Variants in SGCZ observed in about 807,000 individuals in gnomAD.
The protein encoded by SGCZ is sarcoglycan zeta.
In SGCZ, 40 loss-of-function variants were observed where a neutral mutation model predicts 41.3. The observed-to-expected ratio is 0.97, with a 90% CI of 0.75 to 1.26. The LOEUF (loss-of-function observed/expected upper bound fraction) is 1.26. SGCZ is among the 50% of genes most tolerant of loss of function. The pLI is 0.00. For missense variants in SGCZ, 552 were observed against 369.8 expected (o/e 1.49, Z -4.04); for synonymous variants, 206 against 137.5 (o/e 1.50, Z -3.49).
At chr8:14,426,684 G>C (rs939327357) in intron 2 of SGCZ, among the ~76,000 whole-genome samples, 6 of 152,092 alleles carry the variant, frequency 3.9e-5, no homozygotes, top group Non-Finnish European at 4.4e-5. Flanking sequence ...ACTGGACTCT[G>C]GATGAAATGT....
At chr8:14,109,385 A>G (rs189077018) in intron 5 of SGCZ, among the ~76,000 whole-genome samples, 1 of 152,288 alleles carries the variant, frequency 6.6e-6, no homozygotes, top group African/African-American at 2.4e-5. Flanking sequence ...TCCAAATAAG[A>G]TGACATTGAG....
At chr8:14,713,714 G>C (rs1158178228) in intron 1 of SGCZ, among the ~76,000 whole-genome samples, 2 of 149,268 alleles carry the variant, frequency 1.3e-5, no homozygotes, top group Non-Finnish European at 3.0e-5. Flanking sequence ...AAAAGCTAAA[G>C]AAGGATAATA....
chr8:14,937,692 T>C (rs1047682829), intron 1 of SGCZ, among the ~76,000 whole-genome samples: 2 of 152,144 alleles, frequency 1.3e-5, no homozygotes, highest in Non-Finnish European at 2.9e-5. Flanking sequence ...TGTGTTGAGC[T>C]CTTAAATTAC....
chr8:15,180,128 C>G (rs1037634137), intron 1 of SGCZ, among the ~76,000 whole-genome samples: 1 of 152,188 alleles, frequency 6.6e-6, no homozygotes, highest in Non-Finnish European at 1.5e-5. Flanking sequence ...TCAAGGAAAA[C>G]CACCCTAGTC....
At chr8:15,101,779 A>C (rs564621705) in intron 1 of SGCZ, among the ~76,000 whole-genome samples, 1 of 152,216 alleles carries the variant, frequency 6.6e-6, no homozygotes, top group Middle Eastern at 3.4e-3. Flanking sequence ...AAAATATAAA[A>C]ATTAGCTGGG....
At chr8:14,318,950 T>A (rs1197100788) in intron 3 of SGCZ, among the ~76,000 whole-genome samples, 1 of 146,004 alleles carries the variant, frequency 6.8e-6, no homozygotes. Context: ...CAAAAAAAAA[T>A]ATGAATTAGA....
chr8:14,429,374 G>A (rs1799879415), intron 2 of SGCZ, among the ~76,000 whole-genome samples: 1 of 152,078 alleles, frequency 6.6e-6, no homozygotes, highest in African/African-American at 2.4e-5. Flanking sequence ...AATGTTCCAG[G>A]CAATAGCTAG....
chr8:15,013,357 C>T (rs1426858440), intron 1 of SGCZ, among the ~76,000 whole-genome samples: 1 of 152,126 alleles, frequency 6.6e-6, no homozygotes, highest in Non-Finnish European at 1.5e-5. Flanking sequence ...ATGGAAAGGA[C>T]TTCGTTGAGC....
At chr8:14,877,929 G>A (rs942385498) in intron 1 of SGCZ, among the ~76,000 whole-genome samples, 5 of 151,972 alleles carry the variant, frequency 3.3e-5, no homozygotes, top group African/African-American at 9.7e-5. Context: ...TGAAATTGGG[G>A]AACTTTGTTA....
intron 3 of SGCZ, among the ~76,000 whole-genome samples, chr8:14,291,370 A>C (rs754307246): frequency 3.9e-5 from 6 of 152,060 alleles, no homozygotes; most frequent in Non-Finnish European, 8.8e-5. Context: ...TGACTTCATC[A>C]ATACAGGATT....
At chr8:14,957,954 A>T (rs543014514) in intron 1 of SGCZ, among the ~76,000 whole-genome samples, 3 of 152,208 alleles carry the variant, frequency 2.0e-5, no homozygotes, top group African/African-American at 7.2e-5. Flanking sequence ...AAGAGTGTGA[A>T]ATAAATTTAC....
intron 4 of SGCZ, among the ~76,000 whole-genome samples, chr8:14,188,799 T>G (rs983661621): frequency 7.0e-6 from 1 of 143,650 alleles, no homozygotes; most frequent in African/African-American, 2.6e-5. Flanking sequence ...GATTTCTTGT[T>G]TTTTTTTTGT....
chr8:14,294,285 A>C (rs1009942340), intron 3 of SGCZ, among the ~76,000 whole-genome samples: 6 of 151,888 alleles, frequency 4.0e-5, no homozygotes, highest in African/African-American at 1.2e-4. Flanking sequence ...GAAAGGTAGA[A>C]ATATGTCATT....
chr8:14,946,166 A>C (rs1800440062), intron 1 of SGCZ, among the ~76,000 whole-genome samples: 1 of 149,592 alleles, frequency 6.7e-6, no homozygotes, highest in African/African-American at 2.5e-5. Flanking sequence ...GAGCAAGCAG[A>C]GGAAAGGATA....
At chr8:14,175,236 A>G (rs1184901777) in intron 4 of SGCZ, among the ~76,000 whole-genome samples, 1 of 152,164 alleles carries the variant, frequency 6.6e-6, no homozygotes, top group Admixed American at 6.5e-5. Flanking sequence ...TTACAGACTA[A>G]TAAAACCTGA....
intron 2 of SGCZ, among the ~76,000 whole-genome samples, chr8:14,420,844 T>C (rs1437611380): frequency 1.3e-5 from 2 of 152,132 alleles, no homozygotes; most frequent in African/African-American, 2.4e-5. Flanking sequence ...TGGTACTTCA[T>C]TGTAACTCTA....
intron 4 of SGCZ, among the ~76,000 whole-genome samples, chr8:14,178,921 T>C (rs141229704): frequency 1.2e-3 from 181 of 152,310 alleles, no homozygotes; most frequent in African/African-American, 4.0e-3. Context: ...CATGAGGCAT[T>C]GGTCACACTT....
intron 2 of SGCZ, among the ~76,000 whole-genome samples, chr8:14,342,503 G>C (rs1030357704): frequency 1.3e-5 from 2 of 152,004 alleles, no homozygotes; most frequent in African/African-American, 2.4e-5. Flanking sequence ...TTTTAGTAGA[G>C]ATGGGGTTTC....
At chr8:14,427,077 C>CGAATGAATGAGTGAAT (rs150063969) in intron 2 of SGCZ, among the ~76,000 whole-genome samples, 1 of 146,200 alleles carries the variant, frequency 6.8e-6, no homozygotes, top group African/African-American at 2.7e-5. Context: ...AGTGAATGAA[C>CGAATGAATGAGTGAAT]GAATGAATGA....
Sources: allele counts gnomAD v4.1 joint callset (sites outside exome capture counted in the v4.1 genomes callset), GRCh38; gene constraint gnomAD v4.1.1; transcripts MANE v1.5; gene names NCBI Gene and HGNC (gene_info 2026-07-23, HGNC 2026-07-21).